The following CNBD1 variants were observed in gnomAD, a reference collection of about 807,000 sequenced individuals.
The protein encoded by CNBD1 is cyclic nucleotide-binding domain-containing protein 1.
A neutral mutation model predicts 54.4 loss-of-function variants in CNBD1; 71 were observed. The observed-to-expected ratio is 1.30, with a 90% CI of 1.08 to 1.59. The LOEUF (loss-of-function observed/expected upper bound fraction) is 1.59. Among genes scored for constraint, CNBD1 ranks in the 40% most tolerant of loss-of-function variants. CNBD1 has a pLI of 0.00. For missense variants in CNBD1, 659 were observed against 518.0 expected (o/e 1.27, Z -2.64); for synonymous variants, 182 against 170.7 (o/e 1.07, Z -0.51).
intron 2 of CNBD1, among the ~76,000 whole-genome samples, chr8:87,426,019 G>A (rs978169707): frequency 6.6e-6 from 1 of 152,200 alleles, no homozygotes; most frequent in Non-Finnish European, 1.5e-5. Flanking sequence ...ATAATCTCGT[G>A]GTGCACCGTT....
chr8:86,995,172 A>G lies in CNBD1; in HGVS notation c.431+55418A>G, dbSNP rs181307081. On this transcript the variant is annotated intron_variant, in intron 4 of 10. Transcript: ENST00000518476. The stretch of plus-strand genomic sequence containing the variant: ...TTAGGTCAAGTAGGGATTTGTGGAC[A>G]ATTGTAGGAAACACAATTTCTGGCT... Among the ~76,000 whole-genome samples the G allele has an allele frequency of 1.1e-4, 16 of 152,328 alleles. No individual in the cohort carries two copies. In the East Asian group the frequency reaches 2.9e-3, roughly 28 times the overall value.
chr8:87,385,260 T>C (rs939058721), downstream of CNBD1, among the ~76,000 whole-genome samples: 4 of 152,066 alleles, frequency 2.6e-5, no homozygotes, highest in Non-Finnish European at 5.9e-5. Flanking sequence ...TGGGGAGTGT[T>C]GGACGGTGGG....
chr8:87,349,388 T>A (rs1295386698), intron 8 of CNBD1, among the ~76,000 whole-genome samples: 5 of 152,148 alleles, frequency 3.3e-5, no homozygotes, highest in Non-Finnish European at 7.3e-5. Flanking sequence ...GATACAATTT[T>A]TTTTTGAGGC....
chr8:86,910,392 A>C (rs1450080278), intron 3 of CNBD1, among the ~76,000 whole-genome samples: 1 of 152,144 alleles, frequency 6.6e-6, no homozygotes, highest in Non-Finnish European at 1.5e-5. Flanking sequence ...CACCTGTAAC[A>C]CTGGAGAGAA....
chr8:87,200,945 G>T (rs1813846522), intron 4 of CNBD1, among the ~76,000 whole-genome samples: 1 of 152,036 alleles, frequency 6.6e-6, no homozygotes, highest in Admixed American at 6.5e-5. Flanking sequence ...GGGATCAGAA[G>T]AAAACAAAAC....
intron 1 of CNBD1, among the ~76,000 whole-genome samples, chr8:86,869,080 G>A (rs1173001510): frequency 2.0e-5 from 3 of 152,186 alleles, no homozygotes; most frequent in Non-Finnish European, 4.4e-5. Flanking sequence ...CTCCCCTAGC[G>A]TCTCCAGAAG....
chr8:87,007,182 A>G (rs548420731), intron 4 of CNBD1, among the ~76,000 whole-genome samples: 1 of 151,876 alleles, frequency 6.6e-6, no homozygotes, highest in Non-Finnish European at 1.5e-5. Flanking sequence ...GGGTGACAAG[A>G]GTGAAACTCC....
At chr8:87,329,602 T>C (rs975449273) in intron 8 of CNBD1, among the ~76,000 whole-genome samples, 2 of 152,098 alleles carry the variant, frequency 1.3e-5, no homozygotes, top group Non-Finnish European at 1.5e-5. Flanking sequence ...GTTTTATTCA[T>C]ACAGAAATAC....
intron 8 of CNBD1, among the ~76,000 whole-genome samples, chr8:87,328,568 G>T (rs540455122): frequency 6.6e-6 from 1 of 151,858 alleles, no homozygotes; most frequent in East Asian, 1.9e-4. Context: ...TTTTTATCAA[G>T]ATTGTTTTGA....
chr8:86,973,486 T>C (rs1808270983), intron 4 of CNBD1, among the ~76,000 whole-genome samples: 1 of 152,212 alleles, frequency 6.6e-6, no homozygotes. Flanking sequence ...ATGGCTTACA[T>C]ATAATTCATG....
intron 8 of CNBD1, among the ~76,000 whole-genome samples, chr8:87,319,401 G>A (rs757416305): frequency 1.1e-4 from 16 of 152,020 alleles, no homozygotes; most frequent in Admixed American, 5.2e-4. Flanking sequence ...AAACCAACAG[G>A]TAATGAATAC....
intron 2 of CNBD1, among the ~76,000 whole-genome samples, chr8:87,405,481 T>C (rs1807637065): frequency 6.6e-6 from 1 of 152,090 alleles, no homozygotes; most frequent in African/African-American, 2.4e-5. Context: ...ATCCTTTGAT[T>C]TTGTTACAAG....
chr8:87,340,761 T>C (rs1810048966), intron 8 of CNBD1, among the ~76,000 whole-genome samples: 1 of 152,118 alleles, frequency 6.6e-6, no homozygotes, highest in Non-Finnish European at 1.5e-5. Context: ...AGTTGTAACA[T>C]TTGATTCTTT....
At chr8:87,169,186 G>C (rs976470288) in intron 4 of CNBD1, among the ~76,000 whole-genome samples, 3 of 151,958 alleles carry the variant, frequency 2.0e-5, no homozygotes, top group Non-Finnish European at 4.4e-5. Flanking sequence ...CTGATGTTGA[G>C]GGCCTTTTCA....
At chr8:87,386,311 C>T (rs913730305), downstream of CNBD1, among the ~76,000 whole-genome samples, 1 of 152,030 alleles carries the variant, frequency 6.6e-6, no homozygotes, top group Non-Finnish European at 1.5e-5. Context: ...GATCAAACTA[C>T]TCCGAGCTAA....
chr8:87,201,199 G>A (rs976811651), intron 4 of CNBD1, among the ~76,000 whole-genome samples: 1 of 151,898 alleles, frequency 6.6e-6, no homozygotes, highest in East Asian at 1.9e-4. Context: ...CATTCATGAT[G>A]AAAAAAAGTA....
chr8:87,319,197 A>G (rs1365748897), intron 8 of CNBD1, among the ~76,000 whole-genome samples: 3 of 152,110 alleles, frequency 2.0e-5, no homozygotes, highest in Admixed American at 6.6e-5. Context: ...AACACTAGTT[A>G]CCTTCAACAG....
chr8:87,225,651 A>G (rs1358657693), intron 5 of CNBD1, among the ~76,000 whole-genome samples: 1 of 152,196 alleles, frequency 6.6e-6, no homozygotes, highest in Non-Finnish European at 1.5e-5. Flanking sequence ...CCAGTATGTT[A>G]TTGAGGATTT....
In CNBD1 at chr8:86,969,791, T is replaced by TACAC. The variant is rs371222397; in HGVS notation, c.431+30038_431+30039insCACA. ...TAAGGACTAGTGTTTTATATATATATATACACACACACACACACACACACA... is the reference window on the plus strand; with the variant it reads ...TAAGGACTAGTGTTTTATATATATATACACATACACACACACACACACACACACA... On this transcript the variant is annotated intron_variant, in intron 4 of 10. Transcript: ENST00000518476. Among the ~76,000 whole-genome samples, 187 of 53,758 alleles carry TACAC rather than the reference T, an allele frequency of 3.5e-3. 1 individual carries two copies. The highest frequency in any genetic ancestry group is 0.018 in the East Asian group (6 of 342). 35.3% of individuals were successfully genotyped at this position (53,758 alleles called of 152,430 possible). A position where few individuals can be genotyped will look rare whatever the true frequency, so the allele number is the denominator to read the frequency against.
Sources: gnomAD v4.1 joint callset for allele counts (sites outside exome capture counted in the v4.1 genomes callset) on GRCh38, gnomAD v4.1.1 for gene constraint, MANE v1.5 for transcripts, NCBI Gene and HGNC (gene_info 2026-07-23, HGNC 2026-07-21) for gene names.